Variants in PSMA6 observed in about 807,000 individuals in gnomAD.
The protein encoded by PSMA6 is proteasome 20S subunit alpha 6.
For synonymous variants in PSMA6, 88 were observed against 97.7 expected (o/e 0.90, Z 0.59); for missense variants, 170 against 294.8 (o/e 0.58, Z 3.10).
At position 35,284,088 on chromosome 14, in the gene PSMA6, G is replaced by A. The variant is rs77559989; in HGVS notation, c.19+5370G>A. ...GCTCAAAAACATTAAATGTCTCCCC[G>A]TAGCCTTCCAACTAGATAGAGCATA... On this transcript the variant is annotated intron_variant, in intron 1 of 6. Coordinates refer to the PSMA6 transcript ENST00000540871. Among the ~76,000 whole-genome samples, 2,210 of 152,046 alleles carry A rather than the reference G, an allele frequency of 0.015. 149 individuals are homozygous for A. In the East Asian group the frequency reaches 0.21, roughly 15 times the overall value.
chr14:35,298,728 T>TTTA (rs34505017), intron 1 of PSMA6, among the ~76,000 whole-genome samples: 22,531 of 151,176 alleles, frequency 0.15, 3,070 homozygotes, highest in African/African-American at 0.35. Flanking sequence ...TCTTTATTTC[T>TTTA]TTATTATTAT....
At chr14:35,292,600 G>T in intron 1 of PSMA6, 48 bp downstream of exon 1, 1 of 1,604,572 alleles carries the variant, frequency 6.2e-7, no homozygotes. Flanking sequence ...GCCCTGTCAT[G>T]GTACGTGCCT....
chr14:35,307,102 C>A (rs2051843231), intron 1 of PSMA6, among the ~76,000 whole-genome samples: 1 of 152,100 alleles, frequency 6.6e-6, no homozygotes, highest in South Asian at 2.1e-4. Context: ...AAGCCAAGAT[C>A]GTGCCACCTC....
chr14:35,304,316 G>A (rs530411059), intron 1 of PSMA6, among the ~76,000 whole-genome samples: 6 of 152,258 alleles, frequency 3.9e-5, no homozygotes, highest in Admixed American at 2.6e-4. Context: ...ATACATAGGC[G>A]ATGTGCAAAT....
Position 35,310,770 on chromosome 14 carries a change from G to T in PSMA6, c.284G>T (p.Arg95Leu), listed in dbSNP as rs1321968684. Residue 95 changes from arginine to leucine, a missense_variant, in exon 4 of 7, where the codon CGC becomes CTC. Arg to Leu is a moderately radical substitution (Grantham distance 102). Transcript: ENST00000261479. ...ADSRSQVQRA[R>L]YEAANWKYKY... is the part of the protein sequence containing the mutation. ...AGCAGATCCCAGGTACAGAGGGCAC[G>T]CTATGAGGCAGCTAACTGGAAATAC... 1 of 1,612,212 alleles carries T rather than the reference G, an allele frequency of 6.2e-7. No homozygotes were observed. The highest frequency in any genetic ancestry group is 8.5e-7 in the Non-Finnish European group (1 of 1,179,802).
intron 1 of PSMA6, among the ~76,000 whole-genome samples, chr14:35,296,181 A>G (rs748369637): frequency 3.3e-5 from 5 of 152,206 alleles, no homozygotes; most frequent in Non-Finnish European, 5.9e-5. Flanking sequence ...ACTGCATACC[A>G]ACTCTAAGAA....
intron 1 of PSMA6, among the ~76,000 whole-genome samples, chr14:35,296,065 G>A (rs967605503): frequency 6.6e-5 from 10 of 152,140 alleles, no homozygotes; most frequent in African/African-American, 2.2e-4. Context: ...AGAAGGGAGC[G>A]TGCTGATAGG....
chr14:35,311,166 A>G (rs965902730), intron 4 of PSMA6: 1 of 290,800 alleles, frequency 3.4e-6, no homozygotes, highest in Admixed American at 5.0e-5. Context: ...CCTCATTATT[A>G]GGATGTTGTA....
At chr14:35,311,346 A>T (rs1405915188) in intron 4 of PSMA6, among the ~76,000 whole-genome samples, 1 of 152,228 alleles carries the variant, frequency 6.6e-6, no homozygotes. Flanking sequence ...GTAAAATTGT[A>T]TTGGGAGAGG....
intron 5 of PSMA6, 40 bp from the exon 6 acceptor site, chr14:35,314,321 T>C: frequency 6.6e-7 from 1 of 1,523,444 alleles, no homozygotes; most frequent in Non-Finnish European, 8.8e-7. Flanking sequence ...TTGGAATCTC[T>C]AAAAAATACT....
At chr14:35,292,061 G>A (rs2051491603), upstream of PSMA6, among the ~76,000 whole-genome samples, 2 of 152,166 alleles carry the variant, frequency 1.3e-5, no homozygotes, top group Non-Finnish European at 2.9e-5. Flanking sequence ...ACCAGACACA[G>A]GATGCATGTA....
chr14:35,299,145 G>A (rs1404036035), intron 1 of PSMA6, among the ~76,000 whole-genome samples: 2 of 152,008 alleles, frequency 1.3e-5, no homozygotes, highest in Non-Finnish European at 2.9e-5. Context: ...TCCTGCCTCA[G>A]CTTCTCAAGT....
upstream of PSMA6, among the ~76,000 whole-genome samples, chr14:35,290,081 G>T (rs1244492453): frequency 6.6e-6 from 1 of 152,086 alleles, no homozygotes; most frequent in Non-Finnish European, 1.5e-5. Context: ...GATGAGATAA[G>T]GAGTTCTCTT....
chr14:35,280,791 G>T (rs908380259), intron 1 of PSMA6, among the ~76,000 whole-genome samples: 2 of 150,492 alleles, frequency 1.3e-5, no homozygotes, highest in Non-Finnish European at 3.0e-5. Context: ...ATTCACAGTG[G>T]TCATAGCTCA....
At chr14:35,283,725 C>T (rs2051393047) in intron 1 of PSMA6, among the ~76,000 whole-genome samples, 1 of 151,808 alleles carries the variant, frequency 6.6e-6, no homozygotes. Flanking sequence ...GTGGACACCA[C>T]CACACCTGGT....
upstream of PSMA6, among the ~76,000 whole-genome samples, chr14:35,288,112 C>G (rs2051440275): frequency 6.6e-6 from 1 of 152,152 alleles, no homozygotes; most frequent in African/African-American, 2.4e-5. Context: ...TAATAGAAAA[C>G]CTAAACAGTG....
chr14:35,280,938 T>G (rs1009714076), intron 1 of PSMA6, among the ~76,000 whole-genome samples: 5 of 152,198 alleles, frequency 3.3e-5, no homozygotes, highest in Non-Finnish European at 7.4e-5. Flanking sequence ...CCTTTTTGAT[T>G]AGTTTCAGGA....
chr14:35,296,189 G>T (rs1008321446), intron 1 of PSMA6, among the ~76,000 whole-genome samples: 1 of 152,120 alleles, frequency 6.6e-6, no homozygotes, highest in Admixed American at 6.6e-5. Flanking sequence ...CCAACTCTAA[G>T]AACTTTTTAT....
upstream of PSMA6, among the ~76,000 whole-genome samples, chr14:35,290,254 TAGC>T (rs1353894688): frequency 2.0e-5 from 3 of 152,174 alleles, no homozygotes; most frequent in African/African-American, 7.2e-5. Flanking sequence ...TTCATCCTCC[TAGC>T]AGCCTTACCG....
Sources: gnomAD v4.1 joint callset for allele counts (sites outside exome capture counted in the v4.1 genomes callset) on GRCh38, gnomAD v4.1.1 for gene constraint, MANE v1.5 for transcripts, NCBI Gene and HGNC (gene_info 2026-07-23, HGNC 2026-07-21) for gene names.